The following MYO3A variants were observed in gnomAD, a reference collection of about 807,000 sequenced individuals.
MYO3A encodes myosin-IIIa.
Under a neutral mutation model 192.7 loss-of-function variants are expected in MYO3A, and 180 were observed. That is an observed-to-expected ratio of 0.93 (90% CI 0.83 to 1.06). MYO3A has a LOEUF of 1.06. MYO3A is among the 50% of genes least tolerant of loss of function. The pLI, the probability that MYO3A is intolerant of heterozygous loss-of-function variation, is 0.00. For synonymous variants in MYO3A, 628 were observed against 645.3 expected, an observed-to-expected ratio of 0.97 and a Z score of 0.41; for missense variants, 1,896 against 1,905.0, an observed-to-expected ratio of 1.00 and a Z score of 0.09.
intron 14 of MYO3A, 71 bp downstream of exon 14, chr10:26,070,472 G>C: frequency 7.9e-7 from 1 of 1,263,988 alleles, no homozygotes. Context: ...TAACTGATTA[G>C]ATTAATATTC....
intron 27 of MYO3A, 122 bp from the exon 28 acceptor site, chr10:26,168,590 C>A: frequency 2.0e-6 from 2 of 1,013,438 alleles, no homozygotes; most frequent in South Asian, 2.8e-5. Flanking sequence ...GGCAAAGAAG[C>A]AAAAGACAGT....
At chr10:26,108,797 G>A (rs777708204) in intron 17 of MYO3A, among the ~76,000 whole-genome samples, 2 of 152,138 alleles carry the variant, frequency 1.3e-5, no homozygotes, top group Admixed American at 6.6e-5. Context: ...TGGGGACTGG[G>A]GAATGTTTTC....
intron 7 of MYO3A, among the ~76,000 whole-genome samples, chr10:26,019,537 C>T (rs533730657): frequency 7.7e-4 from 118 of 152,270 alleles, no homozygotes; most frequent in African/African-American, 2.6e-3. Flanking sequence ...AGGATGGTCT[C>T]GATCTACTGA....
At chr10:26,111,799 C>T (rs1259334973) in intron 17 of MYO3A, among the ~76,000 whole-genome samples, 4 of 152,090 alleles carry the variant, frequency 2.6e-5, no homozygotes, top group Non-Finnish European at 2.9e-5. Context: ...TAGGGGAAAA[C>T]GGGAGCAGCT....
intron 20 of MYO3A, among the ~76,000 whole-genome samples, chr10:26,134,057 A>T (rs997008199): frequency 6.6e-6 from 1 of 152,210 alleles, no homozygotes; most frequent in Non-Finnish European, 1.5e-5. Flanking sequence ...TGTCTCTTAA[A>T]TAGTTTTGAG....
rs1374510414 is a variant in MYO3A at position 26,174,058 on chromosome 10, A to G, written c.3794A>G (p.Glu1265Gly). 6.2e-7 allele frequency: 1 copy of G among 1,614,080 alleles called. No individual in the cohort carries two copies. The highest frequency in any genetic ancestry group is 2.2e-5 in the East Asian group (1 of 44,892). ...AAYLERKAIS[E>G]RPSYPVPWLA... Reference sequence around the variant, plus strand: ...TATCTAGAAAGGAAGGCCATATCAGAAAGGCCAAGCTACCCAGTGCCTTGG... The same window carrying G: ...TATCTAGAAAGGAAGGCCATATCAGGAAGGCCAAGCTACCCAGTGCCTTGG... The change falls in exon 30 of 35, where the codon GAA becomes GGA. Residue 1265 changes from glutamate to glycine, a missense_variant. Coordinates refer to ENST00000642920, the MANE Select transcript of MYO3A (RefSeq NM_017433.5).
rs546329251 is a variant in MYO3A, at chr10:26,156,337, G to A, written c.2794-973G>A. ...TTCCAACACTAAACGGGATCCAGCC[G>A]TCAATTGCTATTTGTGTCCATACAT... On this transcript the variant is annotated intron_variant, in intron 25 of 34. Coordinates refer to ENST00000642920, the MANE Select transcript of MYO3A (RefSeq NM_017433.5). Among the ~76,000 whole-genome samples, 15 of 152,238 alleles carry A rather than the reference G, an allele frequency of 9.9e-5. No individual in the cohort carries two copies. In the South Asian group the frequency reaches 1.5e-3, roughly 15 times the overall value.
chr10:26,197,704 C>G (rs181835461), intron 32 of MYO3A, among the ~76,000 whole-genome samples: 1 of 152,192 alleles, frequency 6.6e-6, no homozygotes, highest in Non-Finnish European at 1.5e-5. Flanking sequence ...GCTAGGATTA[C>G]AGGCACCTGC....
chr10:26,146,030 C>T (rs1360805686), intron 22 of MYO3A, among the ~76,000 whole-genome samples: 3 of 152,138 alleles, frequency 2.0e-5, no homozygotes, highest in African/African-American at 7.2e-5. Context: ...TCCCTCCTCC[C>T]TTTCAAGAAG....
intron 10 of MYO3A, among the ~76,000 whole-genome samples, chr10:26,057,381 G>GA (rs1002797579): frequency 1.3e-5 from 2 of 152,022 alleles, no homozygotes; most frequent in Non-Finnish European, 2.9e-5. Flanking sequence ...GTTAACCCTG[G>GA]AAAAAAAAGG....
In MYO3A at chr10:26,058,641, G is replaced by A. The variant is rs111788777; in HGVS notation, c.954-8334G>A. 3.7e-4 allele frequency among the ~76,000 whole-genome samples: 56 copies of A among 152,292 alleles called. 1 individual carries two copies. The highest frequency in any genetic ancestry group is 5.2e-4 in the Admixed American group (8 of 15,298). ...ATAGGAAGTCTTGAAATTGCACAGTGTCAGTCCTCCAGCTTTTTCTCCTTC... is the reference window on the plus strand; with the variant it reads ...ATAGGAAGTCTTGAAATTGCACAGTATCAGTCCTCCAGCTTTTTCTCCTTC... On this transcript the variant is annotated intron_variant, in intron 10 of 34. Coordinates refer to ENST00000642920, the MANE Select transcript of MYO3A (RefSeq NM_017433.5).
At position 26,212,279 on chromosome 10, in the gene MYO3A, T is replaced by C; in HGVS notation, c.*316T>C. ...TCTATCACTTTGTTCTTTTTTTTTG[T>C]GACTCCTGTGGACTCCACTGCGCCT... On this transcript the variant is annotated 3_prime_UTR_variant, in exon 35 of 35. Coordinates refer to ENST00000642920, the MANE Select transcript of MYO3A (RefSeq NM_017433.5). 6.8e-6 allele frequency: 3 copies of C among 441,598 alleles called. No homozygotes were observed. The highest frequency in any genetic ancestry group is 1.2e-5 in the Non-Finnish European group (3 of 250,228). 27.4% of individuals were successfully genotyped at this position (441,598 alleles called of 1,614,324 possible).
rs974870712 is a variant in MYO3A, at chr10:26,176,801, A to G, written c.4394A>G (p.His1465Arg). 5.0e-6 allele frequency: 8 copies of G among 1,614,112 alleles called. No homozygotes were observed. The highest frequency in any genetic ancestry group is 3.3e-5 in the Admixed American group (2 of 60,016). Reference sequence around the variant, plus strand: ...TCACTTTATCTGGGTGTCTCGCACCATAAGCCAATTAATAGACGAGTTTCT... The same window carrying G: ...TCACTTTATCTGGGTGTCTCGCACCGTAAGCCAATTAATAGACGAGTTTCT... ...LKSLYLGVSH[H>R]KPINRRVSSQ... is the part of the protein sequence containing the mutation. Residue 1465 changes from histidine to arginine, a missense_variant, in exon 31 of 35, where the codon CAT (histidine) becomes CGT (arginine). Transcript: ENST00000642920.
intron 2 of MYO3A, among the ~76,000 whole-genome samples, chr10:25,945,160 T>C (rs1327093612): frequency 6.6e-6 from 1 of 152,118 alleles, no homozygotes; most frequent in Non-Finnish European, 1.5e-5. Flanking sequence ...AATAGTGTAC[T>C]GCTTAATTTC....
chr10:26,028,254 T>C (rs1353773617), intron 10 of MYO3A, among the ~76,000 whole-genome samples: 1 of 152,230 alleles, frequency 6.6e-6, no homozygotes, highest in African/African-American at 2.4e-5. Context: ...TGCACAAGGC[T>C]GCACAGGAAA....
chr10:26,184,226 G>T lies in MYO3A; in HGVS notation c.4438+7381G>T, dbSNP rs114643263. 8.4e-3 allele frequency among the ~76,000 whole-genome samples: 1,272 copies of T among 152,308 alleles called. 13 individuals are homozygous for T. The highest frequency in any genetic ancestry group is 0.027 in the African/African-American group (1,116 of 41,558). On this transcript the variant is annotated intron_variant, in intron 31 of 34. Transcript: ENST00000642920. ...GCCAGCCTGGCCAAGGGCAGATGAGGTGACTGGTGGAAATGGCAGCTTCCA... is the reference window on the plus strand; with the variant it reads ...GCCAGCCTGGCCAAGGGCAGATGAGTTGACTGGTGGAAATGGCAGCTTCCA...
At position 26,145,499 on chromosome 10, in the gene MYO3A, G is replaced by T; in HGVS notation, c.2470G>T (p.Glu824Ter). Residue 824 changes from glutamate to a stop codon, truncating the protein, a stop_gained, in exon 22 of 35, where the codon GAA becomes TAA. Transcript: ENST00000642920. LOFTEE classifies it high-confidence loss of function. ...SQYFWRPKRM[E>*]LSFGIHHYAG... ...ATACTTCTGGAGACCCAAAAGAATG[G>T]AACTTAGTTTTGGAATTCACCATTA... The T allele has an allele frequency of 6.2e-7, 1 of 1,610,510 alleles. No individual in the cohort carries two copies. The highest frequency in any genetic ancestry group is 8.5e-7 in the Non-Finnish European group (1 of 1,176,832).
intron 20 of MYO3A, among the ~76,000 whole-genome samples, chr10:26,135,966 C>CAAAAAAAA (rs55885370): frequency 4.0e-5 from 4 of 100,232 alleles, no homozygotes; most frequent in African/African-American, 1.6e-4. Flanking sequence ...AACTCCATCT[C>CAAAAAAAA]AAAAAAAAAA....
chr10:26,154,709 G>A, intron 24 of MYO3A, 37 bp from the exon 25 acceptor site: 1 of 1,575,262 alleles, frequency 6.3e-7, no homozygotes, highest in East Asian at 2.2e-5. Flanking sequence ...AAGTACAATA[G>A]ATACCAAGGC....
Sources: gnomAD v4.1 joint callset for allele counts (sites outside exome capture counted in the v4.1 genomes callset) on GRCh38, gnomAD v4.1.1 for gene constraint, MANE v1.5 for transcripts, NCBI Gene and HGNC (gene_info 2026-07-23, HGNC 2026-07-21) for gene names.